PARD6G: variants seen among roughly 807,000 people sequenced by gnomAD.
The protein encoded by PARD6G is par-6 family cell polarity regulator gamma, also known as partitioning defective 6 homolog gamma.
In PARD6G, 7 loss-of-function variants were observed where a neutral mutation model predicts 10.7. That is an observed-to-expected ratio of 0.66 (90% CI 0.37 to 1.23). The LOEUF (loss-of-function observed/expected upper bound fraction) is 1.23. Among genes scored for constraint, PARD6G ranks in the 50% most tolerant of loss-of-function variants. The pLI is 0.02. For synonymous variants in PARD6G, 287 were observed against 269.4 expected (o/e 1.07, Z -0.64); for missense variants, 548 against 571.8 (o/e 0.96, Z 0.42).
At chr18:80,237,739 T>A (rs968297225) in intron 1 of PARD6G, among the ~76,000 whole-genome samples, 3 of 152,094 alleles carry the variant, frequency 2.0e-5, no homozygotes, top group African/African-American at 7.2e-5. Flanking sequence ...AAAAGACACA[T>A]GAAAAAATGT....
At chr18:80,216,122 A>G (rs554407157) in intron 1 of PARD6G, among the ~76,000 whole-genome samples, 1 of 152,150 alleles carries the variant, frequency 6.6e-6, no homozygotes, top group Non-Finnish European at 1.5e-5. Flanking sequence ...AGCAAACACT[A>G]ACTTAAAAGG....
chr18:80,238,889 ATAGAC>A (rs978714233), intron 1 of PARD6G, among the ~76,000 whole-genome samples: 26 of 152,150 alleles, frequency 1.7e-4, no homozygotes, highest in African/African-American at 6.0e-4. Flanking sequence ...GAGGTGACAG[ATAGAC>A]TAGTAGTTTC....
At chr18:80,238,383 C>T (rs1042804518) in intron 1 of PARD6G, among the ~76,000 whole-genome samples, 1 of 151,656 alleles carries the variant, frequency 6.6e-6, no homozygotes, top group Non-Finnish European at 1.5e-5. Context: ...GGAGATATAC[C>T]TAATGTTAAA....
At chr18:80,164,430 G>A (rs1402617130) in intron 2 of PARD6G, among the ~76,000 whole-genome samples, 2 of 152,198 alleles carry the variant, frequency 1.3e-5, no homozygotes, top group Non-Finnish European at 2.9e-5. Flanking sequence ...AAAGGCTCCA[G>A]CTTTTAACTT....
intron 1 of PARD6G, among the ~76,000 whole-genome samples, chr18:80,215,414 C>T (rs1967153990): frequency 6.6e-6 from 1 of 152,026 alleles, no homozygotes; most frequent in Non-Finnish European, 1.5e-5. Context: ...AAAAGGACAA[C>T]TGCAGAAAAC....
intron 2 of PARD6G, chr18:80,169,377 A>G (rs1386856783): frequency 6.6e-6 from 1 of 152,310 alleles, no homozygotes; most frequent in East Asian, 1.9e-4. Context: ...GCATGGCAGC[A>G]CTGCTTTGCC....
In PARD6G at chr18:80,175,660, G is replaced by A. The variant is rs769982650; in HGVS notation, c.296-15054C>T. Among the ~76,000 whole-genome samples, 112 of 152,164 alleles carry A rather than the reference G, an allele frequency of 7.4e-4. 1 individual carries two copies. The highest frequency in any genetic ancestry group is 4.1e-3 in the Admixed American group (63 of 15,276). The stretch of plus-strand genomic sequence containing the variant: ...CTCTTGCTGAGTGTATCTGAGTCAC[G>A]TTCTCTGTCAGGGCACAACCCTCGT... On this transcript the variant is annotated intron_variant, in intron 2 of 2. Coordinates refer to ENST00000353265, the MANE Select transcript of PARD6G (RefSeq NM_032510.4). This position sits in a 1 kb window ranked among gnomAD's most constrained non-coding sequence, Gnocchi z 6.7.
chr18:80,158,314 G>A lies in PARD6G; in HGVS notation c.*1457C>T, dbSNP rs2052669496. 1 of 152,198 alleles carries A rather than the reference G, an allele frequency of 6.6e-6. No individual in the cohort carries two copies. Among genetic ancestry groups the A allele is most frequent in the African/African-American group, 2.4e-5 (1 of 41,450 alleles). 9.4% of individuals were successfully genotyped at this position (152,198 alleles called of 1,614,324 possible). ...TCAGAAAACAAAGATGAGAACTCACGTGCAAATGACTGCATTCTCAAAGAC... is the reference window on the plus strand; with the variant it reads ...TCAGAAAACAAAGATGAGAACTCACATGCAAATGACTGCATTCTCAAAGAC... On this transcript the variant is annotated 3_prime_UTR_variant, in exon 3 of 3. Coordinates refer to ENST00000353265, the MANE Select transcript of PARD6G (RefSeq NM_032510.4).
Position 80,201,620 on chromosome 18 carries a change from C to A in PARD6G, c.295+1090G>T, listed in dbSNP as rs181524395. 6.6e-6 allele frequency among the ~76,000 whole-genome samples: 1 copy of A among 152,354 alleles called. No individual in the cohort carries two copies. The highest frequency in any genetic ancestry group is 6.5e-5 in the Admixed American group (1 of 15,302). On this transcript the variant is annotated intron_variant, in intron 2 of 2. Coordinates refer to ENST00000353265, the MANE Select transcript of PARD6G (RefSeq NM_032510.4). This position sits in a 1 kb window ranked among gnomAD's most constrained non-coding sequence, Gnocchi z 5.9. Reference sequence around the variant, plus strand: ...CCAGAGAATCTGTCTGAAGTGAGGTCAACGAGTCTCCTGCCGTTCCCTTCA... The same window carrying A: ...CCAGAGAATCTGTCTGAAGTGAGGTAAACGAGTCTCCTGCCGTTCCCTTCA...
In PARD6G at chr18:80,157,604, A is replaced by G. The variant is rs2052664298; in HGVS notation, c.*2167T>C. The G allele has an allele frequency of 6.6e-6, 1 of 152,262 alleles. No individual in the cohort carries two copies. The highest frequency in any genetic ancestry group is 1.5e-5 in the Non-Finnish European group (1 of 68,046). 9.4% of individuals were successfully genotyped at this position (152,262 alleles called of 1,614,324 possible). ...GGGTAACATTATTAGTTTTAGTTCC[A>G]CAAAAACTGCTTCTGACTGCTGGGG... On this transcript the variant is annotated 3_prime_UTR_variant, in exon 3 of 3. Transcript: ENST00000353265.
In PARD6G at chr18:80,247,255, CCGGGGCGGG is replaced by C. The variant is rs767336443; in HGVS notation, c.72+13_72+21del. 8.3e-6 allele frequency: 13 copies of C among 1,564,434 alleles called. No homozygotes were observed. The Admixed American group carries it at 1.1e-4, about 13-fold the overall frequency. On this transcript the variant is annotated intron_variant, in intron 1 of 2. Transcript: ENST00000353265. The surrounding 1 kb of genome is among the most constrained non-coding windows in gnomAD (Gnocchi z 4.2). ...AGCCAGGAGACTGGGCGCAGGGCCG[CCGGGGCGGG>C]CGGGGGGCTTACCTTGCTCTTGACT...
At chr18:80,243,472 G>A (rs148494871) in intron 1 of PARD6G, among the ~76,000 whole-genome samples, 3 of 152,298 alleles carry the variant, frequency 2.0e-5, no homozygotes, top group African/African-American at 7.2e-5. Context: ...TACCAATGGT[G>A]TTGGCCCTTC....
intron 2 of PARD6G, among the ~76,000 whole-genome samples, chr18:80,195,566 TATATATACAC>T (rs1966946602): frequency 1.7e-5 from 2 of 120,390 alleles, no homozygotes; most frequent in South Asian, 2.6e-4. Flanking sequence ...TATATATATA[TATATATACAC>T]ACATTTTTTT....
chr18:80,202,503 A>C, intron 2 of PARD6G: 1 of 515,798 alleles, frequency 1.9e-6, no homozygotes. Context: ...CAGTATTTAA[A>C]AGTCAGAAGT....
At chr18:80,197,802 C>T (rs1196894227) in intron 2 of PARD6G, among the ~76,000 whole-genome samples, 1 of 152,244 alleles carries the variant, frequency 6.6e-6, no homozygotes, top group Admixed American at 6.5e-5. Flanking sequence ...CTTCCCAAAA[C>T]ATTCCTGCAC....
At position 80,247,246 on chromosome 18, in the gene PARD6G, G is replaced by T. The variant is rs923693405; in HGVS notation, c.72+31C>A. ...CCATTCATTAGCCAGGAGACTGGGC[G>T]CAGGGCCGCCGGGGCGGGCGGGGGG... On this transcript the variant is annotated intron_variant, in intron 1 of 2. Transcript: ENST00000353265. The surrounding 1 kb of genome is among the most constrained non-coding windows in gnomAD (Gnocchi z 4.2). 6.4e-7 allele frequency: 1 copy of T among 1,551,986 alleles called. No individual in the cohort carries two copies. Among genetic ancestry groups the T allele is most frequent in the Non-Finnish European group, 8.7e-7 (1 of 1,144,510 alleles).
intron 2 of PARD6G, among the ~76,000 whole-genome samples, chr18:80,196,244 A>G (rs1232037947): frequency 1.3e-5 from 2 of 152,232 alleles, no homozygotes; most frequent in Non-Finnish European, 2.9e-5. Context: ...CATGTATATT[A>G]TGACCCTGTT....
Position 80,192,686 on chromosome 18 carries a change from A to C in PARD6G, c.295+10024T>G, listed in dbSNP as rs1966909891. ...ACTGTGGTCCAGAACACCAAAGACAAGGAGGGAAGAATGATAAGAGTGAAA... is the reference window on the plus strand; with the variant it reads ...ACTGTGGTCCAGAACACCAAAGACACGGAGGGAAGAATGATAAGAGTGAAA... On this transcript the variant is annotated intron_variant, in intron 2 of 2. Coordinates refer to ENST00000353265, the MANE Select transcript of PARD6G (RefSeq NM_032510.4). This position sits in a 1 kb window ranked among gnomAD's most constrained non-coding sequence, Gnocchi z 4.9. 6.6e-6 allele frequency among the ~76,000 whole-genome samples: 1 copy of C among 152,194 alleles called. No homozygotes were observed. The highest frequency in any genetic ancestry group is 2.4e-5 in the African/African-American group (1 of 41,454).
intron 2 of PARD6G, among the ~76,000 whole-genome samples, chr18:80,198,571 C>G (rs1409410794): frequency 6.6e-6 from 1 of 152,144 alleles, no homozygotes; most frequent in Non-Finnish European, 1.5e-5. Flanking sequence ...GAGTGCCTTC[C>G]CAGTGAGGAC....
Sources: gnomAD v4.1 joint callset for allele counts (sites outside exome capture counted in the v4.1 genomes callset) on GRCh38, gnomAD v4.1.1 for gene constraint, Gnocchi (gnomAD v3.1) non-coding constraint, MANE v1.5 for transcripts, NCBI Gene and HGNC (gene_info 2026-07-23, HGNC 2026-07-21) for gene names.